The following PDE1C variants were observed in gnomAD, a reference collection of about 807,000 sequenced individuals.
PDE1C encodes phosphodiesterase 1C.
Under a neutral mutation model 93.1 loss-of-function variants are expected in PDE1C, and 62 were observed. The observed-to-expected ratio is 0.67, with a 90% CI of 0.54 to 0.82. PDE1C has a LOEUF of 0.82. PDE1C is among the 40% of genes least tolerant of loss of function. The pLI, the probability that PDE1C is intolerant of heterozygous loss-of-function variation, is 0.00. For synonymous variants in PDE1C, 325 were observed against 310.1 expected, an observed-to-expected ratio of 1.05 and a Z score of -0.50; for missense variants, 742 against 884.6, an observed-to-expected ratio of 0.84 and a Z score of 2.04.
rs145843687 is a variant in PDE1C, at chr7:31,868,853, AACCC to A, written c.610-3775_610-3772del. 5.9e-3 allele frequency among the ~76,000 whole-genome samples: 902 copies of A among 152,230 alleles called. 11 individuals carry two copies. Among genetic ancestry groups the A allele is most frequent in the African/African-American group, 0.021 (854 of 41,558 alleles). ...GATGAACAGAAAATATCTCATTAGAAACCCTACAGGCAAAAAGATAATGGGATAA... is the reference window on the plus strand; with the variant it reads ...GATGAACAGAAAATATCTCATTAGAATACAGGCAAAAAGATAATGGGATAA... On this transcript the variant is annotated intron_variant, in intron 6 of 17. Transcript: ENST00000396191.
upstream of PDE1C, among the ~76,000 whole-genome samples, chr7:32,072,561 C>T (rs551392508): frequency 5.9e-5 from 9 of 152,290 alleles, no homozygotes; most frequent in African/African-American, 2.2e-4. Context: ...TGGGGTATTT[C>T]CATTAGTGTG....
intron 5 of PDE1C, among the ~76,000 whole-genome samples, chr7:31,876,086 T>C (rs1361018239): frequency 6.6e-6 from 1 of 151,888 alleles, no homozygotes; most frequent in African/African-American, 2.4e-5. Context: ...TTTTCTAACA[T>C]GTAGTACATA....
At chr7:31,642,389 T>A in the PDE1C span, 6 of 703,758 alleles carry the variant, frequency 8.5e-6, no homozygotes, top group Non-Finnish European at 1.4e-5. Flanking sequence ...AAGCCACAAT[T>A]GGAAAGGTTG....
chr7:31,988,521 C>T lies in PDE1C; in HGVS notation c.128+63033G>A, dbSNP rs1783703540. Among the ~76,000 whole-genome samples, 5 of 152,314 alleles carry T rather than the reference C, an allele frequency of 3.3e-5. No homozygotes were observed. The South Asian group carries it at 1.0e-3, about 32-fold the overall frequency. On this transcript the variant is annotated intron_variant, in intron 2 of 17. Coordinates refer to ENST00000396191, the MANE Select transcript of PDE1C (RefSeq NM_001191057.4). ...ACATATTTTTAACTGCATATAGTTT[C>T]TCAAACATTTGGGCCTCTATAATTT...
chr7:31,893,691 A>G lies in PDE1C; in HGVS notation c.129-12831T>C, dbSNP rs76729886. ...AAAAAAAAATCCTCCTCTGTTAGCT[A>G]TTTCTATCACAATTTACAAGGAGAG... On this transcript the variant is annotated intron_variant, in intron 2 of 17. Transcript: ENST00000396191. Among the ~76,000 whole-genome samples, 1,501 of 152,270 alleles carry G rather than the reference A, an allele frequency of 9.9e-3. 14 individuals carry two copies. Among genetic ancestry groups the G allele is most frequent in the Non-Finnish European group, 0.017 (1,184 of 68,014 alleles).
At chr7:31,623,656 T>C in the PDE1C span, among the ~76,000 whole-genome samples, 12 of 113,260 alleles carry the variant, frequency 1.1e-4, no homozygotes, top group Admixed American at 3.8e-4. Context: ...TCATACTGAA[T>C]GGGGAAAAAC....
intron 1 of PDE1C, among the ~76,000 whole-genome samples, chr7:32,346,318 T>G (rs935169921): frequency 6.6e-6 from 1 of 152,232 alleles, no homozygotes; most frequent in East Asian, 1.9e-4. Context: ...CATGCCAGCA[T>G]GGAGGTTGCA....
intron 1 of PDE1C, among the ~76,000 whole-genome samples, chr7:32,349,858 G>C (rs1783927513): frequency 6.6e-6 from 1 of 152,178 alleles, no homozygotes; most frequent in Non-Finnish European, 1.5e-5. Flanking sequence ...TCGAACTCCT[G>C]ACCTCGTGAT....
intron 1 of PDE1C, among the ~76,000 whole-genome samples, chr7:32,390,748 G>A (rs1784734421): frequency 1.3e-5 from 2 of 152,212 alleles, no homozygotes; most frequent in South Asian, 4.1e-4. Flanking sequence ...TCGGGAGGCT[G>A]AGGTGGAGGT....
At chr7:31,744,475 G>A in the PDE1C span, among the ~76,000 whole-genome samples, 1 of 152,066 alleles carries the variant, frequency 6.6e-6, no homozygotes, top group Non-Finnish European at 1.5e-5. Context: ...AGGACACCAG[G>A]TGGCAGTGCA....
chr7:31,944,103 G>T (rs909802790), intron 2 of PDE1C, among the ~76,000 whole-genome samples: 1 of 151,986 alleles, frequency 6.6e-6, no homozygotes, highest in African/African-American at 2.4e-5. Context: ...CGACTAAAAT[G>T]AACTCCTTTT....
intron 16 of PDE1C, chr7:31,788,633 AT>A (rs1784257432): frequency 6.6e-6 from 1 of 152,170 alleles, no homozygotes; most frequent in South Asian, 2.1e-4. Flanking sequence ...AATGACTGTG[AT>A]ATTACATGGC....
chr7:32,420,280 T>C (rs1207554162), intron 1 of PDE1C, among the ~76,000 whole-genome samples: 1 of 37,050 alleles, frequency 2.7e-5, no homozygotes, highest in Non-Finnish European at 5.7e-5. Context: ...TGTATATATA[T>C]ACATGTGTAT....
chr7:32,241,010 G>A (rs370820847), intron 1 of PDE1C, among the ~76,000 whole-genome samples: 2 of 152,200 alleles, frequency 1.3e-5, no homozygotes, highest in East Asian at 3.9e-4. Flanking sequence ...ATTGGCCTGA[G>A]CAACTGCAAG....
At chr7:32,170,741 C>T (rs918182857) in intron 2 of PDE1C, among the ~76,000 whole-genome samples, 1 of 152,160 alleles carries the variant, frequency 6.6e-6, no homozygotes, top group Admixed American at 6.5e-5. Context: ...TGACCTTGGC[C>T]TCCTGCCTCC....
the PDE1C span, among the ~76,000 whole-genome samples, chr7:31,620,616 C>T: frequency 1.1e-4 from 16 of 150,372 alleles, no homozygotes; most frequent in Non-Finnish European, 2.4e-4. Flanking sequence ...CTGTACATCA[C>T]CATCATCAAA....
chr7:32,132,850 T>C (rs1799995275), intron 3 of PDE1C, among the ~76,000 whole-genome samples: 1 of 152,154 alleles, frequency 6.6e-6, no homozygotes, highest in African/African-American at 2.4e-5. Context: ...ATTTTAGAAG[T>C]ACGGCTAGTG....
chr7:31,705,355 G>T, the PDE1C span, among the ~76,000 whole-genome samples: 1 of 152,160 alleles, frequency 6.6e-6, no homozygotes, highest in East Asian at 1.9e-4. Context: ...ATCAAGCAAG[G>T]ATGGATGGAA....
chr7:32,154,835 G>A (rs974377692), intron 3 of PDE1C, among the ~76,000 whole-genome samples: 16 of 152,248 alleles, frequency 1.1e-4, no homozygotes, highest in African/African-American at 3.9e-4. Flanking sequence ...GGAGGCAAAT[G>A]TGTGGCAGAC....
Sources: gnomAD v4.1 joint callset for allele counts (sites outside exome capture counted in the v4.1 genomes callset) on GRCh38, gnomAD v4.1.1 for gene constraint, MANE v1.5 for transcripts, NCBI Gene and HGNC (gene_info 2026-07-23, HGNC 2026-07-21) for gene names.